The following DPH6 variants were observed in gnomAD, a reference collection of about 807,000 sequenced individuals.
The protein encoded by DPH6 is diphthamine biosynthesis 6, also known as diphthine--ammonia ligase.
In DPH6, 33 loss-of-function variants were observed where a neutral mutation model predicts 38.2. That is an observed-to-expected ratio of 0.86 (90% confidence interval 0.65 to 1.15). The LOEUF is 1.15. Among genes scored for constraint, DPH6 ranks in the 50% most tolerant of loss-of-function variants. The pLI is 0.00. For synonymous variants in DPH6, 108 were observed against 103.0 expected, an observed-to-expected ratio of 1.05 and a Z score of -0.30; for missense variants, 325 against 320.0, an observed-to-expected ratio of 1.02 and a Z score of -0.12.
At chr15:35,449,816 A>G (rs2053908344) in intron 5 of DPH6, among the ~76,000 whole-genome samples, 1 of 152,174 alleles carries the variant, frequency 6.6e-6, no homozygotes, top group African/African-American at 2.4e-5. Context: ...GGTATTTACC[A>G]TGGAGAAATA....
intron 3 of DPH6, among the ~76,000 whole-genome samples, chr15:35,510,434 A>T (rs1278971400): frequency 5.9e-5 from 9 of 152,206 alleles, no homozygotes; most frequent in African/African-American, 2.2e-4. Context: ...GACATAAAAG[A>T]CATCTTATTT....
intron 3 of DPH6, among the ~76,000 whole-genome samples, chr15:35,256,615 C>T (rs1392977936): frequency 6.6e-6 from 1 of 152,148 alleles, no homozygotes; most frequent in Admixed American, 6.6e-5. Flanking sequence ...ATGGAAAGTA[C>T]TTCATTGCTA....
intron 1 of DPH6, among the ~76,000 whole-genome samples, chr15:35,545,724 GA>G (rs35176498): frequency 0.022 from 3,308 of 152,092 alleles, 116 homozygotes; most frequent in African/African-American, 0.071. Flanking sequence ...TGAGTTGATG[GA>G]ATAAGGTAGT....
chr15:35,526,782 G>A (rs1432684308), intron 3 of DPH6, among the ~76,000 whole-genome samples: 2 of 152,050 alleles, frequency 1.3e-5, no homozygotes, highest in Admixed American at 1.3e-4. Context: ...AAAAGAACAT[G>A]CCAAAATAAA....
chr15:35,471,735 A>G (rs2054200874), intron 3 of DPH6, among the ~76,000 whole-genome samples: 1 of 152,194 alleles, frequency 6.6e-6, no homozygotes, highest in Non-Finnish European at 1.5e-5. Context: ...ATGAAACCAT[A>G]TTTGATCTTA....
chr15:35,324,784 G>A (rs1185403231), intron 3 of DPH6, among the ~76,000 whole-genome samples: 1 of 152,088 alleles, frequency 6.6e-6, no homozygotes, highest in Non-Finnish European at 1.5e-5. Flanking sequence ...TTACCTTTTA[G>A]GAAACTGAAT....
At chr15:35,322,169 T>A (rs560635949) in intron 3 of DPH6, among the ~76,000 whole-genome samples, 88 of 152,272 alleles carry the variant, frequency 5.8e-4, no homozygotes, top group African/African-American at 1.8e-3. Context: ...ATGTTATTTA[T>A]AGGAATAATT....
At chr15:35,436,998 A>AG (rs1566909526) in intron 5 of DPH6, among the ~76,000 whole-genome samples, 1 of 151,064 alleles carries the variant, frequency 6.6e-6, no homozygotes, top group Non-Finnish European at 1.5e-5. Flanking sequence ...TACTAACAGC[A>AG]GGGGAGACAG....
At chr15:35,246,204 T>G (rs2051636966) in intron 3 of DPH6, among the ~76,000 whole-genome samples, 1 of 152,178 alleles carries the variant, frequency 6.6e-6, no homozygotes, top group Admixed American at 6.5e-5. Context: ...ATTAAAAAGC[T>G]TTACTGCTCA....
chr15:35,451,559 C>T (rs1392602440), intron 4 of DPH6, among the ~76,000 whole-genome samples: 1 of 152,124 alleles, frequency 6.6e-6, no homozygotes, highest in African/African-American at 2.4e-5. Context: ...TCCAATCTAC[C>T]ACAATGCAGA....
intron 3 of DPH6, among the ~76,000 whole-genome samples, chr15:35,508,372 C>G (rs1176432820): frequency 6.6e-6 from 1 of 152,072 alleles, no homozygotes; most frequent in Non-Finnish European, 1.5e-5. Context: ...ACTAGTTGCT[C>G]TAACGATTTT....
chr15:35,290,019 A>G (rs2051969544), intron 3 of DPH6, among the ~76,000 whole-genome samples: 1 of 152,246 alleles, frequency 6.6e-6, no homozygotes, highest in Non-Finnish European at 1.5e-5. Context: ...ACTCAAAATA[A>G]AAGTAAACCA....
chr15:35,173,814 A>G, the DPH6 span, among the ~76,000 whole-genome samples: 1 of 152,164 alleles, frequency 6.6e-6, no homozygotes, highest in East Asian at 1.9e-4. Context: ...TACTTGGGTC[A>G]ATCATGTCAA....
At chr15:35,222,882 G>T (rs2051451993) in intron 3 of DPH6, among the ~76,000 whole-genome samples, 1 of 152,130 alleles carries the variant, frequency 6.6e-6, no homozygotes, top group Non-Finnish European at 1.5e-5. Flanking sequence ...CAAATTGTGA[G>T]GCAGGTAAGT....
At position 35,317,347 on chromosome 15, in the gene DPH6, A is replaced by G. The variant is rs1366320839; in HGVS notation, n.200+56174T>C. Among the ~76,000 whole-genome samples, 11 of 151,430 alleles carry G rather than the reference A, an allele frequency of 7.3e-5. No individual in the cohort carries two copies. The East Asian group carries it at 2.1e-3, about 29-fold the overall frequency. ...AAAAAAGAAAGAAAGAAGGAAAGAA[A>G]AAGAAAGAGAGAAAGAAAGAAAGAA... On this transcript the variant is annotated intron_variant and non_coding_transcript_variant, in intron 3 of 3. Transcript: ENST00000560386.
chr15:35,371,039 T>C lies in DPH6; in HGVS notation c.*1111A>G, dbSNP rs2052707193. The C allele has an allele frequency of 6.6e-6, 1 of 151,544 alleles. No individual in the cohort carries two copies. Among genetic ancestry groups the C allele is most frequent in the African/African-American group, 2.4e-5 (1 of 41,358 alleles). 9.4% of individuals were successfully genotyped at this position (151,544 alleles called of 1,614,324 possible). A position where few individuals can be genotyped will look rare whatever the true frequency, so the allele number is the denominator to read the frequency against. Reference sequence around the variant, plus strand: ...AATGAGCTACATATACATGACAAGATACAGAGAAACCTAAATGCATATTAA... The same window carrying C: ...AATGAGCTACATATACATGACAAGACACAGAGAAACCTAAATGCATATTAA... On this transcript the variant is annotated 3_prime_UTR_variant, in exon 9 of 9. Transcript: ENST00000256538.
the DPH6 span, among the ~76,000 whole-genome samples, chr15:35,148,637 A>C: frequency 6.6e-5 from 10 of 152,190 alleles, no homozygotes; most frequent in Non-Finnish European, 1.3e-4. Flanking sequence ...TGTATAATTC[A>C]TAAAGGCAAA....
chr15:35,184,771 T>C, the DPH6 span, among the ~76,000 whole-genome samples: 1 of 152,182 alleles, frequency 6.6e-6, no homozygotes, highest in East Asian at 1.9e-4. Flanking sequence ...ATATGTTACA[T>C]TGGAAGTCAT....
At chr15:35,521,168 G>C (rs887373092) in intron 3 of DPH6, 2 of 985,116 alleles carry the variant, frequency 2.0e-6, no homozygotes, top group Non-Finnish European at 2.4e-6. Flanking sequence ...TAACTGAAAT[G>C]CTACTTGAGT....
Sources: gnomAD v4.1 joint callset for allele counts (sites outside exome capture counted in the v4.1 genomes callset) on GRCh38, gnomAD v4.1.1 for gene constraint, MANE v1.5 for transcripts, NCBI Gene and HGNC (gene_info 2026-07-23, HGNC 2026-07-21) for gene names.